The following NAA35 variants were observed in gnomAD, a reference collection of about 807,000 sequenced individuals.
NAA35 encodes MAK10 homolog, amino-acid N-acetyltransferase subunit.
In NAA35, 18 loss-of-function variants were observed where a neutral mutation model predicts 101.7. That is an observed-to-expected ratio of 0.18 (90% CI 0.12 to 0.26). The LOEUF (loss-of-function observed/expected upper bound fraction) is 0.26. Among genes scored for constraint, NAA35 ranks in the 10% least tolerant of loss-of-function variants. NAA35 has a pLI of 1.00. For synonymous variants in NAA35, 267 were observed against 273.1 expected (o/e 0.98, Z 0.22); for missense variants, 601 against 886.8 (o/e 0.68, Z 4.09).
intron 8 of NAA35, 63 bp downstream of exon 8, chr9:85,975,220 C>T: frequency 6.6e-7 from 1 of 1,524,020 alleles, no homozygotes; most frequent in Non-Finnish European, 8.9e-7. Flanking sequence ...TTTAACTTTA[C>T]CTAATTAAAA....
intron 2 of NAA35, among the ~76,000 whole-genome samples, chr9:85,947,212 C>T (rs987357228): frequency 6.6e-6 from 1 of 151,974 alleles, no homozygotes; most frequent in Middle Eastern, 3.2e-3. Flanking sequence ...ATGTTATTAT[C>T]TAGGTGATCT....
chr9:86,002,829 C>G (rs908978809), intron 12 of NAA35, among the ~76,000 whole-genome samples: 3 of 152,060 alleles, frequency 2.0e-5, no homozygotes, highest in African/African-American at 7.2e-5. Context: ...GTCCTGAATT[C>G]TATTTCTGTC....
At chr9:86,009,096 G>C (rs1186723345) in intron 14 of NAA35, among the ~76,000 whole-genome samples, 1 of 152,042 alleles carries the variant, frequency 6.6e-6, no homozygotes, top group African/African-American at 2.4e-5. Flanking sequence ...GATCTTCAAG[G>C]CTACTAATGA....
chr9:86,012,580 G>C (rs957923707), intron 15 of NAA35, among the ~76,000 whole-genome samples: 1 of 152,156 alleles, frequency 6.6e-6, no homozygotes, highest in East Asian at 1.9e-4. Flanking sequence ...CTGGTTAGTG[G>C]AATGTTACAT....
At chr9:86,009,194 A>G (rs891043263) in intron 14 of NAA35, among the ~76,000 whole-genome samples, 3 of 152,168 alleles carry the variant, frequency 2.0e-5, no homozygotes, top group African/African-American at 7.2e-5. Context: ...AGCCTTTTAA[A>G]AGCTTTATTT....
At chr9:85,949,324 C>G (rs952804785) in intron 2 of NAA35, among the ~76,000 whole-genome samples, 8 of 141,390 alleles carry the variant, frequency 5.7e-5, no homozygotes, top group African/African-American at 2.2e-4. Flanking sequence ...GACAGAGTTT[C>G]ACTCTTGTTG....
chr9:85,988,431 G>A lies in NAA35; in HGVS notation c.878-7968G>A, dbSNP rs80204776. Among the ~76,000 whole-genome samples, 605 of 152,328 alleles carry A rather than the reference G, an allele frequency of 4.0e-3. 5 individuals are homozygous for A. The highest frequency in any genetic ancestry group is 0.014 in the African/African-American group (572 of 41,582). Reference sequence around the variant, plus strand: ...AAGTGACCAGGCAGAGTTCAGGAAAGCAGTAGAAGAGAAAAATCCTGAGAG... The same window carrying A: ...AAGTGACCAGGCAGAGTTCAGGAAAACAGTAGAAGAGAAAAATCCTGAGAG... On this transcript the variant is annotated intron_variant, in intron 11 of 22. Coordinates refer to ENST00000361671, the MANE Select transcript of NAA35 (RefSeq NM_024635.4).
Position 86,007,369 on chromosome 9 carries a change from G to A in NAA35, c.1128G>A (p.Leu376=). ...LSRSLLQTTF[L]VDNKKVFGTH... Reference sequence around the variant, plus strand: ...ACATTTGTTTTAAGACCACTTTCCTGGTGGATAACAAAAAGGTCTTTGGAA... The same window carrying A: ...ACATTTGTTTTAAGACCACTTTCCTAGTGGATAACAAAAAGGTCTTTGGAA... The change falls in exon 14 of 23, where the codon CTG becomes CTA. Residue 376 remains leucine (L), a synonymous_variant. Transcript: ENST00000361671. The A allele has an allele frequency of 6.2e-7, 1 of 1,612,256 alleles. No homozygotes were observed. The highest frequency in any genetic ancestry group is 8.5e-7 in the Non-Finnish European group (1 of 1,178,698).
intron 6 of NAA35, among the ~76,000 whole-genome samples, chr9:85,974,753 CAG>C (rs773622683): frequency 2.6e-5 from 4 of 152,204 alleles, no homozygotes; most frequent in East Asian, 1.9e-4. Flanking sequence ...AAAGTAAGGA[CAG>C]AGACAACATT....
chr9:85,943,572 A>C (rs1463818894), intron 2 of NAA35, among the ~76,000 whole-genome samples: 2 of 152,108 alleles, frequency 1.3e-5, no homozygotes, highest in Admixed American at 6.5e-5. Context: ...TTATAGCCTC[A>C]GTGAGACAGT....
intron 11 of NAA35, among the ~76,000 whole-genome samples, chr9:85,991,798 AAATGTGATTG>A (rs1830923419): frequency 1.3e-5 from 2 of 152,132 alleles, no homozygotes; most frequent in African/African-American, 4.8e-5. Flanking sequence ...GGATCTTTAT[AAATGTGATTG>A]TTAAGGGTCT....
At chr9:86,018,519 A>G in intron 20 of NAA35, 124 bp downstream of exon 20, 1 of 1,322,390 alleles carries the variant, frequency 7.6e-7, no homozygotes, top group Non-Finnish European at 1.0e-6. Flanking sequence ...AATATGAGGT[A>G]GCATATGAGG....
chr9:86,012,510 TA>T (rs1357106071), intron 15 of NAA35, among the ~76,000 whole-genome samples: 7 of 152,202 alleles, frequency 4.6e-5, no homozygotes, highest in Admixed American at 3.3e-4. Context: ...TATGCAAATA[TA>T]AAACAGTATT....
At chr9:86,007,311 C>G (rs1831687631) in intron 13 of NAA35, 47 bp from the exon 14 acceptor site, 1 of 1,328,506 alleles carries the variant, frequency 7.5e-7, no homozygotes. Context: ...ACACTAATGA[C>G]AATTCTGTGC....
rs557746761 is a variant in NAA35, at chr9:85,958,051, C to T, written c.159-421C>T. Among the ~76,000 whole-genome samples, 17 of 152,114 alleles carry T rather than the reference C, an allele frequency of 1.1e-4. No individual in the cohort carries two copies. The South Asian group carries it at 3.5e-3, about 32-fold the overall frequency. On this transcript the variant is annotated intron_variant, in intron 3 of 22. Coordinates refer to ENST00000361671, the MANE Select transcript of NAA35 (RefSeq NM_024635.4). ...CCGCCTCCCGGGTTCAAGCGATTCT[C>T]CTGCCTCAGCCTCCCAAGTAGCTGG...
intron 11 of NAA35, among the ~76,000 whole-genome samples, chr9:85,981,271 A>G (rs998374912): frequency 6.6e-6 from 1 of 152,176 alleles, no homozygotes; most frequent in Non-Finnish European, 1.5e-5. Flanking sequence ...GAGGGATAAA[A>G]TGTCCACAAC....
At chr9:85,983,469 T>C (rs1202706580) in intron 11 of NAA35, among the ~76,000 whole-genome samples, 1 of 152,164 alleles carries the variant, frequency 6.6e-6, no homozygotes, top group Admixed American at 6.6e-5. Context: ...GGTTTTTTTT[T>C]GGTATGTGCT....
chr9:85,965,896 A>C (rs1005587928), intron 6 of NAA35, among the ~76,000 whole-genome samples: 4 of 152,070 alleles, frequency 2.6e-5, no homozygotes, highest in Non-Finnish European at 5.9e-5. Flanking sequence ...TGTCTGCATT[A>C]TTTTGTTTTT....
chr9:86,019,698 G>A (rs1046000046), intron 21 of NAA35, among the ~76,000 whole-genome samples: 5 of 152,124 alleles, frequency 3.3e-5, no homozygotes, highest in Non-Finnish European at 7.4e-5. Flanking sequence ...TTACTGTAAC[G>A]TGTACATACT....
Sources: gnomAD v4.1 joint callset for allele counts (sites outside exome capture counted in the v4.1 genomes callset) on GRCh38, gnomAD v4.1.1 for gene constraint, MANE v1.5 for transcripts, NCBI Gene and HGNC (gene_info 2026-07-23, HGNC 2026-07-21) for gene names.